Variants in NUP62CL observed in about 807,000 individuals in gnomAD.
The protein encoded by NUP62CL is nucleoporin 62 C-terminal like.
In NUP62CL, 13 loss-of-function variants were observed where a neutral mutation model predicts 15.3. The observed-to-expected ratio is 0.85, with a 90% CI of 0.55 to 1.35. The LOEUF (loss-of-function observed/expected upper bound fraction) is 1.35, where lower values mean the gene tolerates loss of function less well. NUP62CL is among the 40% of genes most tolerant of loss of function. The pLI is 0.00. For missense variants in NUP62CL, 123 were observed against 130.6 expected (o/e 0.94, Z 0.28); for synonymous variants, 54 against 49.2 (o/e 1.10, Z -0.41).
chrX:107,168,325 G>A (rs1161984135), intron 3 of NUP62CL, among the ~76,000 whole-genome samples: 1 of 111,383 alleles, frequency 9.0e-6, no homozygotes, highest in Non-Finnish European at 1.9e-5. Flanking sequence ...AGGAAAGAGT[G>A]CCTATTTCTT....
At chrX:107,137,022 C>T (rs375873271) in intron 8 of NUP62CL, among the ~76,000 whole-genome samples, 1 of 111,916 alleles carries the variant, frequency 8.9e-6, no homozygotes, top group Non-Finnish European at 1.9e-5. Flanking sequence ...CAAGTTTGCA[C>T]CATTGCACTC....
In NUP62CL at chrX:107,194,239, C is replaced by A. The variant is rs765463855; in HGVS notation, c.-91-1167G>T. 1.5e-3 allele frequency among the ~76,000 whole-genome samples: 166 copies of A among 110,932 alleles called. 1 individual carries two copies. The highest frequency in any genetic ancestry group is 5.1e-3 in the African/African-American group (157 of 30,571). On this transcript the variant is annotated intron_variant, in intron 1 of 8. Coordinates refer to ENST00000372466, the MANE Select transcript of NUP62CL (RefSeq NM_017681.3). ...TTAGTTCTCAGATTTAAAAAGCCAC[C>A]AAGTGCAAGCAGGCAATCCCTCCTC... is the stretch of plus-strand genomic sequence containing the variant.
chrX:107,147,580 A>G (rs1226351808), intron 8 of NUP62CL, among the ~76,000 whole-genome samples, 163 bp downstream of exon 8: 1 of 111,764 alleles, frequency 8.9e-6, no homozygotes, highest in East Asian at 2.8e-4. Flanking sequence ...ATTTAAAAAA[A>G]TAAGGAATTA....
At chrX:107,155,761 T>G (rs1456282515) in intron 4 of NUP62CL, among the ~76,000 whole-genome samples, 1 of 112,269 alleles carries the variant, frequency 8.9e-6, no homozygotes, top group Non-Finnish European at 1.9e-5. Flanking sequence ...AAAAATTACC[T>G]ATCATAGGGG....
intron 1 of NUP62CL, chrX:107,202,472 G>A (rs370175719): frequency 1.8e-5 from 2 of 110,565 alleles, no homozygotes; most frequent in East Asian, 5.6e-4. Flanking sequence ...GTAACAGTGT[G>A]AGTGTTACTA....
At chrX:107,192,064 G>A (rs777962622) in intron 2 of NUP62CL, among the ~76,000 whole-genome samples, 16 of 111,657 alleles carry the variant, frequency 1.4e-4, no homozygotes, top group African/African-American at 4.9e-4. Context: ...GAGGCTATCA[G>A]TGCTACAAAA....
chrX:107,193,522 G>A (rs1178982502), intron 1 of NUP62CL, among the ~76,000 whole-genome samples: 1 of 111,935 alleles, frequency 8.9e-6, no homozygotes, highest in East Asian at 2.8e-4. Context: ...TGCTACAGAA[G>A]ATATGCATAG....
intron 4 of NUP62CL, among the ~76,000 whole-genome samples, chrX:107,162,966 T>C (rs1483824941): frequency 9.0e-6 from 1 of 111,616 alleles, no homozygotes; most frequent in Non-Finnish European, 1.9e-5. Flanking sequence ...CAGGCAGTAA[T>C]GCACGCTCAC....
At chrX:107,160,786 C>A (rs1257757182) in intron 4 of NUP62CL, among the ~76,000 whole-genome samples, 2 of 111,197 alleles carry the variant, frequency 1.8e-5, no homozygotes, top group African/African-American at 3.3e-5. Context: ...CAAATGGGAT[C>A]TAATTAAACT....
chrX:107,146,140 T>C (rs1399162619), intron 8 of NUP62CL, among the ~76,000 whole-genome samples: 1 of 111,913 alleles, frequency 8.9e-6, no homozygotes, highest in Non-Finnish European at 1.9e-5. Flanking sequence ...GATCACTTCA[T>C]TAAAGTGGTA....
intron 2 of NUP62CL, among the ~76,000 whole-genome samples, chrX:107,185,068 G>A (rs1043132983): frequency 9.1e-6 from 1 of 110,141 alleles, no homozygotes; most frequent in Non-Finnish European, 1.9e-5. Flanking sequence ...ATAGACTACC[G>A]TAAAAGTAGT....
intron 3 of NUP62CL, among the ~76,000 whole-genome samples, chrX:107,174,069 CTCTCTCTCTCTCCCTCCCTCCCTT>C (rs1569362349): frequency 1.7e-4 from 9 of 53,320 alleles, no homozygotes; most frequent in Non-Finnish European, 2.6e-4. Context: ...CCCTCCCTCC[CTCTCTCTCTCTCCCTCCCTCCCTT>C]TCTCTCTCTC....
chrX:107,188,789 C>T (rs1367702667), intron 2 of NUP62CL, among the ~76,000 whole-genome samples: 1 of 111,118 alleles, frequency 9.0e-6, no homozygotes, highest in Non-Finnish European at 1.9e-5. Flanking sequence ...GATAGACATA[C>T]AAAATCAACT....
At chrX:107,153,387 G>GAA in intron 6 of NUP62CL, 67 bp downstream of exon 6, 12 of 960,709 alleles carry the variant, frequency 1.2e-5, no homozygotes, top group Non-Finnish European at 1.1e-5. Flanking sequence ...ACTACAGAAG[G>GAA]AAAAAAAAAA....
chrX:107,189,817 A>G (rs767198527), intron 2 of NUP62CL, among the ~76,000 whole-genome samples: 9 of 63,440 alleles, frequency 1.4e-4, no homozygotes, highest in African/African-American at 4.8e-4. Context: ...AGAGAAAGAA[A>G]GAAAGAAGGA....
chrX:107,189,267 T>C (rs371856916), intron 2 of NUP62CL, among the ~76,000 whole-genome samples: 17 of 111,623 alleles, frequency 1.5e-4, no homozygotes, highest in African/African-American at 4.2e-4. Context: ...TAAAACTGAA[T>C]ATGCAACTAC....
chrX:107,143,235 G>A (rs1030999838), intron 8 of NUP62CL, among the ~76,000 whole-genome samples: 2 of 111,260 alleles, frequency 1.8e-5, no homozygotes, highest in African/African-American at 6.5e-5. Flanking sequence ...TCCAAATCAC[G>A]CTTTTTTATT....
chrX:107,128,457 CA>C (rs1925438668), intron 8 of NUP62CL, among the ~76,000 whole-genome samples: 2 of 112,034 alleles, frequency 1.8e-5, no homozygotes, highest in African/African-American at 6.5e-5. Flanking sequence ...ACCCCAAGCT[CA>C]TGCCAGGCAT....
chrX:107,154,922 C>T (rs1217960095), intron 4 of NUP62CL, among the ~76,000 whole-genome samples: 1 of 111,844 alleles, frequency 8.9e-6, no homozygotes, highest in Admixed American at 9.5e-5. Context: ...AATCCCTACC[C>T]AGTAGCAACA....
Sources: allele counts gnomAD v4.1 joint callset (sites outside exome capture counted in the v4.1 genomes callset), GRCh38; gene constraint gnomAD v4.1.1; transcripts MANE v1.5; gene names NCBI Gene and HGNC (gene_info 2026-07-23, HGNC 2026-07-21).